The following TJP2 variants were observed in gnomAD, a reference collection of about 807,000 sequenced individuals.
TJP2 encodes the protein Friedreich ataxia region gene X104 (tight junction protein ZO-2).
In TJP2, 91 loss-of-function variants were observed where a neutral mutation model predicts 133.1. The ratio of observed to expected loss-of-function variants is 0.68; its 90% confidence interval spans 0.58 to 0.81. TJP2 has a LOEUF of 0.81. Ranked by LOEUF, TJP2 falls within the 40% of genes least tolerant of loss-of-function variation. The pLI is 0.00. For missense variants in TJP2, 1,541 were observed against 1,565.6 expected, an observed-to-expected ratio of 0.98 and a Z score of 0.26; for synonymous variants, 592 against 583.4, an observed-to-expected ratio of 1.01 and a Z score of -0.21.
At chr9:69,232,051 C>G (rs1363990735) in intron 11 of TJP2, among the ~76,000 whole-genome samples, 1 of 152,140 alleles carries the variant, frequency 6.6e-6, no homozygotes. Flanking sequence ...AGTCAGACCT[C>G]TCTGTAAGTT....
intron 12 of TJP2, among the ~76,000 whole-genome samples, chr9:69,235,592 G>A (rs946198559): frequency 1.3e-5 from 2 of 152,144 alleles, no homozygotes; most frequent in African/African-American, 4.8e-5. Flanking sequence ...AAAGTGCTGG[G>A]ATTATAGGCA....
At chr9:69,157,914 CA>C (rs1164516328) in intron 2 of TJP2, among the ~76,000 whole-genome samples, 2 of 152,138 alleles carry the variant, frequency 1.3e-5, no homozygotes, top group African/African-American at 4.8e-5. Flanking sequence ...TTAAGCATAG[CA>C]TGTAGATGAG....
chr9:69,179,424 G>A (rs945344478), intron 1 of TJP2, among the ~76,000 whole-genome samples: 3 of 151,942 alleles, frequency 2.0e-5, no homozygotes, highest in African/African-American at 7.2e-5. Flanking sequence ...AGTGGTTATG[G>A]TTTCTATTTT....
chr9:69,188,179 A>G (rs1825978545), intron 1 of TJP2, among the ~76,000 whole-genome samples: 1 of 152,190 alleles, frequency 6.6e-6, no homozygotes, highest in African/African-American at 2.4e-5. Flanking sequence ...GAGACAAAGT[A>G]AGGTGTGGTT....
chr9:69,202,873 C>G (rs1163999360), intron 1 of TJP2, among the ~76,000 whole-genome samples: 1 of 151,854 alleles, frequency 6.6e-6, no homozygotes, highest in Non-Finnish European at 1.5e-5. Flanking sequence ...TGTTCAAGGG[C>G]CAACTGTACT....
intron 1 of TJP2, among the ~76,000 whole-genome samples, chr9:69,147,912 A>G (rs909657813): frequency 7.4e-6 from 1 of 135,004 alleles, no homozygotes; most frequent in Non-Finnish European, 1.5e-5. Flanking sequence ...GGGATAAAAC[A>G]TTTCACTGAT....
intron 1 of TJP2, among the ~76,000 whole-genome samples, chr9:69,197,637 C>T (rs1413987373): frequency 6.6e-6 from 1 of 151,506 alleles, no homozygotes. Context: ...ATCAAGAGTG[C>T]TTATCCTGTG....
At chr9:69,136,031 A>G (rs1449537717) in intron 1 of TJP2, among the ~76,000 whole-genome samples, 1 of 152,238 alleles carries the variant, frequency 6.6e-6, no homozygotes, top group East Asian at 1.9e-4. Context: ...AAGGATGACT[A>G]TGACATCATA....
chr9:69,221,570 TC>T (rs1390487147), intron 5 of TJP2, 74 bp downstream of exon 5: 2 of 1,503,992 alleles, frequency 1.3e-6, no homozygotes, highest in East Asian at 2.5e-5. Flanking sequence ...TTTTTTTTTT[TC>T]CCCCGAAAGT....
intron 1 of TJP2, among the ~76,000 whole-genome samples, chr9:69,184,602 A>G (rs958848342): frequency 6.6e-6 from 1 of 152,212 alleles, no homozygotes; most frequent in African/African-American, 2.4e-5. Context: ...GTAGAAACAG[A>G]AACTCAGTGC....
chr9:69,218,140 C>G, intron 3 of TJP2, 117 bp from the exon 4 acceptor site: 1 of 855,462 alleles, frequency 1.2e-6, no homozygotes. Flanking sequence ...CCACTAGACA[C>G]TGAGCCCTTT....
chr9:69,153,654 G>A (rs969830487), intron 2 of TJP2, among the ~76,000 whole-genome samples: 1 of 152,152 alleles, frequency 6.6e-6, no homozygotes, highest in Non-Finnish European at 1.5e-5. Context: ...AAATAAATTG[G>A]AGGGGTACTA....
chr9:69,216,206 T>G (rs762024961), intron 2 of TJP2, 133 bp from the exon 3 acceptor site: 9 of 1,084,064 alleles, frequency 8.3e-6, no homozygotes, highest in Non-Finnish European at 1.2e-5. Context: ...GTTTCTCATT[T>G]GTTTCTGTAA....
intron 2 of TJP2, among the ~76,000 whole-genome samples, chr9:69,166,992 G>A (rs923070262): frequency 2.9e-4 from 44 of 151,876 alleles, no homozygotes; most frequent in African/African-American, 8.7e-4. Context: ...TAGCACTTTC[G>A]GAGGCCAAGA....
intron 2 of TJP2, among the ~76,000 whole-genome samples, chr9:69,213,119 G>A (rs957083887): frequency 1.4e-4 from 20 of 147,046 alleles, no homozygotes; most frequent in African/African-American, 4.3e-4. Flanking sequence ...GCTGGAGTAC[G>A]GTGGTGCAAT....
intron 1 of TJP2, among the ~76,000 whole-genome samples, chr9:69,130,582 A>G (rs1822450631): frequency 1.3e-5 from 2 of 152,094 alleles, no homozygotes; most frequent in African/African-American, 4.8e-5. Context: ...TTTGAGAACC[A>G]GTGCTTTGGA....
Position 69,204,979 on chromosome 9 carries a change from T to C in TJP2, c.61-7569T>C, listed in dbSNP as rs535891999. On this transcript the variant is annotated intron_variant, in intron 1 of 22. Coordinates refer to ENST00000377245, the MANE Select transcript of TJP2 (RefSeq NM_004817.4). ...AACTGCTTTCTTTTTTGCTCATAAG[T>C]AGTGCTTTTCAAAGCGTTTGGCATC... 3 of 1,345,932 alleles carry C rather than the reference T, an allele frequency of 2.2e-6. No homozygotes were observed. In the African/African-American group the frequency reaches 4.4e-5, roughly 20 times the overall value. 83.4% of individuals were successfully genotyped at this position (1,345,932 alleles called of 1,614,324 possible).
chr9:69,134,971 G>C (rs1289399175), intron 1 of TJP2, among the ~76,000 whole-genome samples: 1 of 135,566 alleles, frequency 7.4e-6, no homozygotes, highest in Non-Finnish European at 1.7e-5. Context: ...AGAGAAGAGA[G>C]AAGAGGAGAG....
chr9:69,246,663 C>T, intron 17 of TJP2, 27 bp from the exon 18 acceptor site: 1 of 1,584,544 alleles, frequency 6.3e-7, no homozygotes, highest in East Asian at 2.2e-5. Flanking sequence ...GAAATTAATG[C>T]AGACCTTTTT....
Sources: gnomAD v4.1 joint callset for allele counts (sites outside exome capture counted in the v4.1 genomes callset) on GRCh38, gnomAD v4.1.1 for gene constraint, MANE v1.5 for transcripts, NCBI Gene and HGNC (gene_info 2026-07-23, HGNC 2026-07-21) for gene names.